ZNF681: variants seen among roughly 807,000 people sequenced by gnomAD.
The protein encoded by ZNF681 is hypothetical protein FLJ31526.
Under a neutral mutation model 56.0 loss-of-function variants are expected in ZNF681, and 37 were observed. That is an observed-to-expected ratio of 0.66 (90% CI 0.51 to 0.87). The LOEUF is 0.87. ZNF681 is among the 40% of genes least tolerant of loss of function. ZNF681 has a pLI of 0.00. For synonymous variants in ZNF681, 225 were observed against 248.6 expected (o/e 0.91, Z 0.89); for missense variants, 741 against 744.9 (o/e 0.99, Z 0.06).
At chr19:23,750,208 C>T (rs1969004304) in intron 3 of ZNF681, among the ~76,000 whole-genome samples, 4 of 145,554 alleles carry the variant, frequency 2.7e-5, no homozygotes, top group Admixed American at 7.0e-5. Flanking sequence ...TGCTTGAACC[C>T]GGGAGGCAGA....
chr19:23,748,206 T>C (rs1391166459), intron 3 of ZNF681, among the ~76,000 whole-genome samples: 1 of 152,068 alleles, frequency 6.6e-6, no homozygotes, highest in East Asian at 1.9e-4. Flanking sequence ...AGAAAATAAG[T>C]AAAAATATTT....
chr19:23,756,540 G>T (rs1969122120), intron 1 of ZNF681, among the ~76,000 whole-genome samples: 1 of 152,082 alleles, frequency 6.6e-6, no homozygotes, highest in African/African-American at 2.4e-5. Context: ...ACTAACACAG[G>T]AAGAGAAAAC....
intron 3 of ZNF681, among the ~76,000 whole-genome samples, chr19:23,751,601 G>T (rs756318418): frequency 2.5e-4 from 38 of 151,966 alleles, no homozygotes; most frequent in Admixed American, 1.4e-3. Flanking sequence ...AATTTCAAAG[G>T]AAATGGAGTG....
intron 3 of ZNF681, among the ~76,000 whole-genome samples, chr19:23,751,409 G>A (rs2364608): frequency 0.98 from 146,129 of 149,724 alleles, 71,394 homozygotes; most frequent in East Asian, 1. Context: ...TCTGGAGGCG[G>A]AGGTTGCAGT....
chr19:23,753,822 A>C lies in ZNF681; in HGVS notation c.226+1001T>G, dbSNP rs1002998113. 4.9e-5 allele frequency among the ~76,000 whole-genome samples: 7 copies of C among 142,926 alleles called. 1 individual carries two copies. Among genetic ancestry groups the C allele is most frequent in the Admixed American group, 3.8e-4 (5 of 13,282 alleles). The allele number at this position is 142,926 out of a possible 152,430, so 93.8% of individuals were successfully genotyped here. A position where few individuals can be genotyped will look rare whatever the true frequency, so the allele number is the denominator to read the frequency against. On this transcript the variant is annotated intron_variant, in intron 3 of 3. Coordinates refer to ENST00000402377, the MANE Select transcript of ZNF681 (RefSeq NM_138286.3). ...GGTTGCAGTGAGCCGAGATTGTGCC[A>C]CTGCACTTCAGCCTGGAGAAAGAGC...
At chr19:23,757,394 T>A (rs10405833) in intron 1 of ZNF681, among the ~76,000 whole-genome samples, 146,996 of 152,082 alleles carry the variant, frequency 0.97, 71,183 homozygotes, top group Middle Eastern at 1. Context: ...TGATTTTTTT[T>A]AAAAAGTATA....
intron 3 of ZNF681, among the ~76,000 whole-genome samples, chr19:23,750,263 G>T (rs1229988399): frequency 1.5e-5 from 2 of 137,028 alleles, no homozygotes; most frequent in Non-Finnish European, 3.1e-5. Context: ...CAGCCTGGGC[G>T]ACAGAGTGAG....
At position 23,739,951 on chromosome 19, in the gene ZNF681, A is replaced by G. The variant is rs1017566700; in HGVS notation, c.*3661T>C. On this transcript the variant is annotated 3_prime_UTR_variant, in exon 4 of 4. Transcript: ENST00000402377. The stretch of plus-strand genomic sequence containing the variant: ...TGCAATGTTTAATGTTCACACTTAC[A>G]AATAGAAGATTTTGCATGGAAACGT... 6 of 152,180 alleles carry G rather than the reference A, an allele frequency of 3.9e-5. No homozygotes were observed. The highest frequency in any genetic ancestry group is 1.4e-4 in the African/African-American group (6 of 41,434). The allele number at this position is 152,180 out of a possible 1,614,324, so 9.4% of individuals were successfully genotyped here.
At chr19:23,757,933 C>T (rs1389238869) in intron 1 of ZNF681, among the ~76,000 whole-genome samples, 2 of 151,908 alleles carry the variant, frequency 1.3e-5, no homozygotes, top group African/African-American at 2.4e-5. Flanking sequence ...ATGACATATA[C>T]TAATAAGCAA....
At chr19:23,748,903 T>C (rs1346156811) in intron 3 of ZNF681, among the ~76,000 whole-genome samples, 1 of 152,178 alleles carries the variant, frequency 6.6e-6, no homozygotes, top group Non-Finnish European at 1.5e-5. Context: ...CCGTTATTTG[T>C]TGGTGTAAAA....
intron 3 of ZNF681, among the ~76,000 whole-genome samples, chr19:23,748,061 AAG>A (rs1484735472): frequency 1.3e-5 from 2 of 152,164 alleles, no homozygotes; most frequent in Non-Finnish European, 2.9e-5. Flanking sequence ...CTTAGAAAAA[AAG>A]AGAAATGACA....
Position 23,743,982 on chromosome 19 carries a change from T to C in ZNF681, c.1568A>G (p.Glu523Gly), listed in dbSNP as rs371540818. 3.1e-6 allele frequency: 5 copies of C among 1,609,608 alleles called. No individual in the cohort carries two copies. Among genetic ancestry groups the C allele is most frequent in the Non-Finnish European group, 4.2e-6 (5 of 1,178,736 alleles). Residue 523 changes from glutamate to glycine, a missense_variant, in exon 4 of 4, where the codon GAA becomes GGA. Transcript: ENST00000402377. The part of the protein sequence containing the change: ...KAFYRSSKLT[E>G]HKKIHTGEKP... ...CTCTCCAGTATGAATTTTCTTATGTTCAGTAAGTTTTGAGGATCGATAGAA... is the reference window on the plus strand; with the variant it reads ...CTCTCCAGTATGAATTTTCTTATGTCCAGTAAGTTTTGAGGATCGATAGAA...
Position 23,744,830 on chromosome 19 carries a change from G to C in ZNF681, c.720C>G (p.Asn240Lys), listed in dbSNP as rs1460284478. ...ECGKACNQFT[N>K]LTTHKIIYTR... ...TATAAATTATCTTATGTGTAGTAAG[G>C]TTTGTGAACTGGTTACAGGCTTTGC... The change falls in exon 4 of 4, where the codon AAC becomes AAG. Residue 240 changes from asparagine to lysine, a missense_variant. By Grantham distance (94) the Asn-to-Lys change is moderately conservative (BLOSUM62 0). Transcript: ENST00000402377. 6.2e-7 allele frequency: 1 copy of C among 1,613,482 alleles called. No homozygotes were observed. Among genetic ancestry groups the C allele is most frequent in the East Asian group, 2.2e-5 (1 of 44,866 alleles).
At chr19:23,750,022 C>G (rs1295767602) in intron 3 of ZNF681, among the ~76,000 whole-genome samples, 1 of 150,714 alleles carries the variant, frequency 6.6e-6, no homozygotes, top group African/African-American at 2.4e-5. Flanking sequence ...CCGTGGCTCA[C>G]GCCTGTAATC....
intron 3 of ZNF681, among the ~76,000 whole-genome samples, chr19:23,747,249 C>G (rs1315348958): frequency 6.6e-6 from 1 of 152,136 alleles, no homozygotes; most frequent in African/African-American, 2.4e-5. Context: ...AACACATACT[C>G]TTCAACATAG....
chr19:23,757,795 A>G (rs1423861542), intron 1 of ZNF681, among the ~76,000 whole-genome samples: 5 of 151,982 alleles, frequency 3.3e-5, no homozygotes, highest in African/African-American at 1.2e-4. Flanking sequence ...CTCTATATAG[A>G]ATTCTGTTCT....
chr19:23,752,848 A>C (rs1052755822), intron 3 of ZNF681, among the ~76,000 whole-genome samples: 2 of 152,208 alleles, frequency 1.3e-5, no homozygotes, highest in Non-Finnish European at 2.9e-5. Context: ...GCCTATCGTC[A>C]ATGCTTCTCT....
At chr19:23,745,686 C>T (rs1185570603) in intron 3 of ZNF681, among the ~76,000 whole-genome samples, 3 of 151,458 alleles carry the variant, frequency 2.0e-5, no homozygotes, top group East Asian at 2.0e-4. Context: ...TTCCTGACCT[C>T]GTGATCTGCC....
intron 3 of ZNF681, among the ~76,000 whole-genome samples, chr19:23,748,644 C>T (rs1968980700): frequency 6.6e-6 from 1 of 152,142 alleles, no homozygotes; most frequent in Non-Finnish European, 1.5e-5. Flanking sequence ...CGTTCATCCT[C>T]CTTTGTTCAG....
Sources: allele counts gnomAD v4.1 joint callset (sites outside exome capture counted in the v4.1 genomes callset), GRCh38; gene constraint gnomAD v4.1.1; transcripts MANE v1.5; gene names NCBI Gene and HGNC (gene_info 2026-07-23, HGNC 2026-07-21).